TMIGD3: variants seen among roughly 807,000 people sequenced by gnomAD.
TMIGD3 encodes the protein transmembrane and immunoglobulin domain containing 3, also known as AD026 protein (AD026).
Under a neutral mutation model 28.1 loss-of-function variants are expected in TMIGD3, and 21 were observed. The observed-to-expected ratio is 0.75, with a 90% confidence interval of 0.53 to 1.08. The LOEUF is 1.08. Among genes scored for constraint, TMIGD3 ranks in the 50% least tolerant of loss-of-function variants. TMIGD3 has a pLI of 0.00. For missense variants in TMIGD3, 416 were observed against 435.6 expected (o/e 0.96, Z 0.40); for synonymous variants, 151 against 162.1 (o/e 0.93, Z 0.52).
intron 5 of TMIGD3, 88 bp from the exon 6 acceptor site, chr1:111,483,845 G>T: frequency 9.7e-7 from 1 of 1,030,800 alleles, no homozygotes; most frequent in Non-Finnish European, 1.5e-6. Context: ...TCCAAACTCT[G>T]TCATGGGGCT....
chr1:111,491,147 G>A (rs1051055442), intron 1 of TMIGD3, among the ~76,000 whole-genome samples: 1 of 152,238 alleles, frequency 6.6e-6, no homozygotes, highest in Non-Finnish European at 1.5e-5. Flanking sequence ...CAGTTGAGAG[G>A]AATCCTAGTA....
At chr1:111,506,877 T>C (rs1571421291), upstream of TMIGD3, among the ~76,000 whole-genome samples, 2 of 146,504 alleles carry the variant, frequency 1.4e-5, no homozygotes, top group African/African-American at 5.0e-5. Context: ...CAAGGTACAA[T>C]TTTTTTCTTA....
At chr1:111,510,153 G>A (rs1424725266) in intron 1 of TMIGD3, among the ~76,000 whole-genome samples, 5 of 152,132 alleles carry the variant, frequency 3.3e-5, no homozygotes, top group African/African-American at 1.2e-4. Flanking sequence ...TCAAAGCTCA[G>A]CCAAGAGTTT....
chr1:111,491,313 C>T (rs1284845523), intron 1 of TMIGD3, among the ~76,000 whole-genome samples: 1 of 152,218 alleles, frequency 6.6e-6, no homozygotes, highest in Non-Finnish European at 1.5e-5. Context: ...GTTTGGGCTG[C>T]GGTCTTCAGA....
At chr1:111,546,782 T>C (rs72695239) in intron 1 of TMIGD3, among the ~76,000 whole-genome samples, 39 of 152,336 alleles carry the variant, frequency 2.6e-4, no homozygotes, top group Non-Finnish European at 5.0e-4. Flanking sequence ...CTTAGATATA[T>C]ACCCAGAAAT....
intron 1 of TMIGD3, 151 bp from the exon 2 acceptor site, chr1:111,490,913 CA>C: frequency 6.4e-6 from 4 of 629,066 alleles, no homozygotes; most frequent in Non-Finnish European, 1.1e-5. Context: ...TCTTCATAGA[CA>C]TAAACTTACT....
chr1:111,549,344 T>C (rs1203206478), intron 1 of TMIGD3, among the ~76,000 whole-genome samples: 17 of 151,582 alleles, frequency 1.1e-4, no homozygotes, highest in Admixed American at 1.1e-3. Flanking sequence ...TTTCCTTTTT[T>C]TCCCCCTTTT....
chr1:111,503,776 G>A (rs563795796), upstream of TMIGD3: 29 of 1,017,824 alleles, frequency 2.8e-5, no homozygotes, highest in Non-Finnish European at 3.1e-5. Context: ...CCAAGAGGAA[G>A]TACAGAGCTC....
rs1053381229 is a variant in TMIGD3, at chr1:111,503,620, G to C, written c.-266C>G. The C allele has an allele frequency of 1.6e-6, 2 of 1,256,844 alleles. No individual in the cohort carries two copies. The allele number at this position is 1,256,844 out of a possible 1,614,324, so 77.9% of individuals were successfully genotyped here. ...CAAGTTTCCAGAATGCTGTAGGACA[G>C]CTCTATATGGACTGAATCTGAAAGT... On this transcript the variant is annotated 5_prime_UTR_variant, in exon 1 of 6. Coordinates refer to ENST00000369716, the MANE Select transcript of TMIGD3 (RefSeq NM_020683.7).
At chr1:111,511,674 T>TACAC (rs72064023) in intron 1 of TMIGD3, among the ~76,000 whole-genome samples, 58 of 148,936 alleles carry the variant, frequency 3.9e-4, no homozygotes, top group African/African-American at 1.2e-3. Flanking sequence ...TGGTGCCCTT[T>TACAC]ACACACACAC....
In TMIGD3 at chr1:111,555,633, C is replaced by T. The variant is rs80310840; in HGVS notation, c.107+8213G>A. ...GGTATGTATGTATCTATTCACCTTC[C>T]CAAAAGAGGGATTAAAAAGGTAATA... is the stretch of plus-strand genomic sequence containing the variant. On this transcript the variant is annotated intron_variant, in intron 1 of 5. Coordinates refer to the TMIGD3 transcript ENST00000369717. 9.4e-4 allele frequency among the ~76,000 whole-genome samples: 142 copies of T among 151,804 alleles called. 2 individuals carry two copies. In the East Asian group the frequency reaches 0.026, roughly 28 times the overall value.
At chr1:111,504,631 C>A (rs1253593066), upstream of TMIGD3, among the ~76,000 whole-genome samples, 2 of 152,206 alleles carry the variant, frequency 1.3e-5, no homozygotes, top group Non-Finnish European at 2.9e-5. Flanking sequence ...AGGGCTTTAT[C>A]ATTTTTACCT....
At chr1:111,540,398 C>T (rs1050641503) in intron 1 of TMIGD3, among the ~76,000 whole-genome samples, 4 of 152,256 alleles carry the variant, frequency 2.6e-5, no homozygotes, top group Non-Finnish European at 4.4e-5. Flanking sequence ...TCTCCACCTC[C>T]TCCTGGATCT....
chr1:111,523,532 C>A (rs778039871), intron 1 of TMIGD3, among the ~76,000 whole-genome samples: 1 of 151,968 alleles, frequency 6.6e-6, no homozygotes, highest in Non-Finnish European at 1.5e-5. Context: ...ATAGAACGAG[C>A]TGGGAAGTAT....
chr1:111,561,376 A>G (rs1657729229), intron 1 of TMIGD3, among the ~76,000 whole-genome samples: 1 of 152,138 alleles, frequency 6.6e-6, no homozygotes, highest in African/African-American at 2.4e-5. Flanking sequence ...CGCTTGTCTC[A>G]GCCTCTCAGT....
intron 1 of TMIGD3, among the ~76,000 whole-genome samples, chr1:111,548,284 G>A (rs1207545205): frequency 6.6e-6 from 1 of 152,222 alleles, no homozygotes; most frequent in African/African-American, 2.4e-5. Context: ...GCCTCCCAAA[G>A]TGCTGGGATT....
chr1:111,529,671 G>A (rs1281085524), intron 1 of TMIGD3, among the ~76,000 whole-genome samples: 4 of 151,198 alleles, frequency 2.6e-5, no homozygotes, highest in African/African-American at 9.7e-5. Context: ...GTTTCAGAGA[G>A]CACAGGGTTG....
intron 1 of TMIGD3, among the ~76,000 whole-genome samples, chr1:111,536,561 G>T (rs1229597938): frequency 6.6e-6 from 1 of 152,164 alleles, no homozygotes; most frequent in Admixed American, 6.5e-5. Context: ...GAGTTTACCA[G>T]GACTGAGTTA....
chr1:111,524,028 CTT>C (rs35046603), intron 1 of TMIGD3, among the ~76,000 whole-genome samples: 32 of 108,796 alleles, frequency 2.9e-4, no homozygotes, highest in Non-Finnish European at 4.7e-4. Flanking sequence ...TCTTTCTTTT[CTT>C]TTTTTTTTTT....
Sources: allele counts gnomAD v4.1 joint callset (sites outside exome capture counted in the v4.1 genomes callset), GRCh38; gene constraint gnomAD v4.1.1; transcripts MANE v1.5; gene names NCBI Gene and HGNC (gene_info 2026-07-23, HGNC 2026-07-21).